Variants in KLRC4 observed in about 807,000 individuals in gnomAD.
The protein encoded by KLRC4 is killer cell lectin like receptor C4.
KLRC4 carries 6 observed loss-of-function variants against 14.3 expected under a neutral mutation model. The ratio of observed to expected loss-of-function variants is 0.42; its 90% CI spans 0.23 to 0.83. The LOEUF is 0.83. KLRC4 is among the 40% of genes least tolerant of loss of function. The pLI is 0.29. For missense variants in KLRC4, 158 were observed against 179.4 expected, an observed-to-expected ratio of 0.88 and a Z score of 0.68; for synonymous variants, 53 against 60.5, an observed-to-expected ratio of 0.88 and a Z score of 0.57.
chr12:10,407,881 C>G, intron 3 of KLRC4, 92 bp from the exon 4 acceptor site: 2 of 1,449,952 alleles, frequency 1.4e-6, no homozygotes, highest in South Asian at 2.9e-5. Context: ...TACAGGTACA[C>G]AATATCTGCA....
rs146507468 is a variant in KLRC4 at position 10,407,724 on chromosome 12, T to C, written c.406A>G (p.Lys136Glu). The change falls in exon 4 of 4, where the codon AAG (lysine) becomes GAG (glutamate). Residue 136 changes from lysine (K) to glutamate (E), a missense_variant. By Grantham distance (56) the Lys-to-Glu change is moderately conservative. Transcript: ENST00000309384. ...TYSNSCYYIGKERRTWEERVC... is the reference protein window; with the variant it reads ...TYSNSCYYIGEERRTWEERVC... ...CTTTCTTCCCAAGTTCTTCTTTCCT[T>C]ACCAATGTAATAACAACTGTTGGAA... 1.9e-5 allele frequency: 30 copies of C among 1,613,896 alleles called. No individual in the cohort carries two copies. The African/African-American group carries it at 3.5e-4, about 19-fold the overall frequency.
At chr12:10,409,276 A>G in intron 1 of KLRC4, 113 bp downstream of exon 1, 2 of 1,126,138 alleles carry the variant, frequency 1.8e-6, no homozygotes, top group East Asian at 4.8e-5. Flanking sequence ...TTAGATCCTG[A>G]CTTTGACCTC....
chr12:10,408,472 T>C (rs1397137506), intron 2 of KLRC4, 90 bp from the exon 3 acceptor site: 1 of 661,248 alleles, frequency 1.5e-6, no homozygotes, highest in East Asian at 3.1e-5. Context: ...AAATTTAAAA[T>C]TATTTTAAAT....
Position 10,408,991 on chromosome 12 carries a change from C to T in KLRC4, c.207G>A (p.Glu69=). ...YHCKGLLPPP[E]KLTAEVLGII... ...TTCCTAGGACCTCAGCAGTGAGCTTCTCTGGAGGTGGCAGTAAACCTGCAG... is the reference window on the plus strand; with the variant it reads ...TTCCTAGGACCTCAGCAGTGAGCTTTTCTGGAGGTGGCAGTAAACCTGCAG... The change falls in exon 2 of 4, where the codon GAG becomes GAA. Residue 69 remains glutamate, a synonymous_variant. Transcript: ENST00000309384. The T allele has an allele frequency of 2.5e-6, 4 of 1,613,704 alleles. No homozygotes were observed. In the South Asian group the frequency reaches 4.4e-5, roughly 18 times the overall value.
chr12:10,409,255 A>C, intron 1 of KLRC4, 134 bp downstream of exon 1: 1 of 1,005,014 alleles, frequency 1.0e-6, no homozygotes, highest in Admixed American at 2.7e-5. Context: ...TTCAGATTTC[A>C]TATTAGAATA....
At chr12:10,407,854 T>G in intron 3 of KLRC4, 65 bp from the exon 4 acceptor site, 1 of 1,551,082 alleles carries the variant, frequency 6.4e-7, no homozygotes, top group Non-Finnish European at 8.7e-7. Context: ...TTTTATATAT[T>G]TGCAAAGCTA....
At position 10,407,615 on chromosome 12, in the gene KLRC4, G is replaced by C; in HGVS notation, c.*38C>G. 1 of 1,603,250 alleles carries C rather than the reference G, an allele frequency of 6.2e-7. No individual in the cohort carries two copies. The highest frequency in any genetic ancestry group is 8.5e-7 in the Non-Finnish European group (1 of 1,175,224). On this transcript the variant is annotated 3_prime_UTR_variant, in exon 4 of 4. Transcript: ENST00000309384. ...GACAGAAATAAGCTTTTAGTAAAGTGTTGAAACATTTACGTCTTACCATTT... is the reference window on the plus strand; with the variant it reads ...GACAGAAATAAGCTTTTAGTAAAGTCTTGAAACATTTACGTCTTACCATTT...
chr12:10,408,297 C>G (rs375003904), intron 3 of KLRC4, 32 bp downstream of exon 3: 21 of 1,300,124 alleles, frequency 1.6e-5, no homozygotes, highest in African/African-American at 2.9e-5. Context: ...ATAAACTGTA[C>G]TAACATCAGA....
chr12:10,407,815 C>A, intron 3 of KLRC4, 26 bp from the exon 4 acceptor site: 1 of 1,594,240 alleles, frequency 6.3e-7, no homozygotes, highest in Non-Finnish European at 8.5e-7. Context: ...AATTACTATG[C>A]AAAACAATAT....
chr12:10,408,816 C>G, intron 2 of KLRC4, 96 bp downstream of exon 2: 2 of 1,484,568 alleles, frequency 1.3e-6, no homozygotes, highest in Admixed American at 1.9e-5. Context: ...ATACATTAAA[C>G]AGAGAATTCT....
Position 10,407,719 on chromosome 12 carries a change from T to C in KLRC4, c.411A>G (p.Glu137=). Residue 137 remains glutamate (E), a synonymous_variant, in exon 4 of 4, where the codon GAA becomes GAG. Coordinates refer to ENST00000309384, the MANE Select transcript of KLRC4 (RefSeq NM_013431.2). Reference sequence around the variant, plus strand: ...AAACTCTTTCTTCCCAAGTTCTTCTTTCCTTACCAATGTAATAACAACTGT... The same window carrying C: ...AAACTCTTTCTTCCCAAGTTCTTCTCTCCTTACCAATGTAATAACAACTGT... ...YSNSCYYIGK[E]RRTWEERVCW... 6.2e-7 allele frequency: 1 copy of C among 1,613,892 alleles called. No individual in the cohort carries two copies. Among genetic ancestry groups the C allele is most frequent in the Non-Finnish European group, 8.5e-7 (1 of 1,179,852 alleles).
Position 10,409,581 on chromosome 12 carries a change from C to T in KLRC4, c.-6G>A. ...GTTCCTCTTTGTTTATTCATCTCTG[C>T]AGCTGTGTGATGTCAGGGACTGTGC... On this transcript the variant is annotated 5_prime_UTR_variant, in exon 1 of 4. Transcript: ENST00000309384. 1.9e-6 allele frequency: 3 copies of T among 1,610,234 alleles called. No individual in the cohort carries two copies. Among genetic ancestry groups the T allele is most frequent in the Non-Finnish European group, 2.5e-6 (3 of 1,178,556 alleles).
At chr12:10,409,357 C>T in intron 1 of KLRC4, 32 bp downstream of exon 1, 2 of 1,585,902 alleles carry the variant, frequency 1.3e-6, no homozygotes, top group Non-Finnish European at 1.7e-6. Flanking sequence ...CATCCTAGAA[C>T]AATAATATTG....
In KLRC4 at chr12:10,407,688, G is replaced by T; in HGVS notation, c.442C>A (p.Pro148Thr). The T allele has an allele frequency of 6.2e-7, 1 of 1,613,694 alleles. No individual in the cohort carries two copies. The highest frequency in any genetic ancestry group is 8.5e-7 in the Non-Finnish European group (1 of 1,179,804). ...RRTWEERVCW[P>T]VLRRTLICFL ...CAGATCAGAGTTCTTCGAAGCACAGGCCAGCAAACTCTTTCTTCCCAAGTT... is the reference window on the plus strand; with the variant it reads ...CAGATCAGAGTTCTTCGAAGCACAGTCCAGCAAACTCTTTCTTCCCAAGTT... The change falls in exon 4 of 4, where the codon CCT (proline) becomes ACT (threonine). Residue 148 changes from proline (P) to threonine (T), a missense_variant. By Grantham distance (38) the Pro-to-Thr change is conservative. Coordinates refer to ENST00000309384, the MANE Select transcript of KLRC4 (RefSeq NM_013431.2).
At chr12:10,408,457 A>G in intron 2 of KLRC4, 75 bp from the exon 3 acceptor site, 1 of 732,136 alleles carries the variant, frequency 1.4e-6, no homozygotes. Context: ...TTACTTTGAA[A>G]TACAAAATTT....
chr12:10,407,900 A>C (rs1260658465), intron 3 of KLRC4, 111 bp from the exon 4 acceptor site: 1 of 1,385,252 alleles, frequency 7.2e-7, no homozygotes, highest in Non-Finnish European at 9.7e-7. Context: ...CATCCTCATA[A>C]GTTGTTAAAT....
chr12:10,408,143 T>C (rs965261388), intron 3 of KLRC4, among the ~76,000 whole-genome samples, 186 bp downstream of exon 3: 4 of 152,164 alleles, frequency 2.6e-5, no homozygotes, highest in Admixed American at 6.6e-5. Flanking sequence ...GGTATAATGA[T>C]TTTAACTGAG....
In KLRC4 at chr12:10,408,348, C is replaced by T. The variant is rs375554992; in HGVS notation, c.321G>A (p.Leu107=). Residue 107 remains leucine, a synonymous_variant, in exon 3 of 4, where the codon CTG becomes CTA. Coordinates refer to ENST00000309384, the MANE Select transcript of KLRC4 (RefSeq NM_013431.2). ...IGVLEQNNFS[L]NRRMQKARHC... ...ATGTACCTTTCTGCATTCTTCTATT[C>T]AGGGAAAAATTGTTCTGCTCCAGTA... 4 of 1,510,482 alleles carry T rather than the reference C, an allele frequency of 2.6e-6. No individual in the cohort carries two copies. The African/African-American group carries it at 4.1e-5, about 16-fold the overall frequency. The allele number at this position is 1,510,482 out of a possible 1,614,324, so 93.6% of individuals were successfully genotyped here.
At position 10,409,567 on chromosome 12, in the gene KLRC4, T is replaced by A. The variant is rs747911631; in HGVS notation, c.9A>T (p.Lys3Asn). The A allele has an allele frequency of 1.9e-6, 3 of 1,612,580 alleles. No homozygotes were observed. The East Asian group carries it at 6.7e-5, about 36-fold the overall frequency. Residue 3 changes from lysine to asparagine, a missense_variant, in exon 1 of 4, where the codon AAA (lysine) becomes AAT (asparagine). By Grantham distance (94) the Lys-to-Asn change is moderately conservative (BLOSUM62 0). Transcript: ENST00000309384. MN[K>N]QRGTYSEVSL... ...TCACTTCTGAGTAGGTTCCTCTTTG[T>A]TTATTCATCTCTGCAGCTGTGTGAT...
Sources: gnomAD v4.1 joint callset for allele counts (sites outside exome capture counted in the v4.1 genomes callset) on GRCh38, gnomAD v4.1.1 for gene constraint, MANE v1.5 for transcripts, NCBI Gene and HGNC (gene_info 2026-07-23, HGNC 2026-07-21) for gene names.